ASB2: variants seen among roughly 807,000 people sequenced by gnomAD.
ASB2 encodes the protein ankyrin repeat and SOCS box containing 2.
Under a neutral mutation model 62.4 loss-of-function variants are expected in ASB2, and 58 were observed. That is an observed-to-expected ratio of 0.93 (90% confidence interval 0.75 to 1.16). ASB2 has a LOEUF of 1.16. Ranked by LOEUF, ASB2 falls within the 50% of genes most tolerant of loss-of-function variation. ASB2 has a pLI of 0.00. For missense variants in ASB2, 928 were observed against 887.9 expected, an observed-to-expected ratio of 1.05 and a Z score of -0.57; for synonymous variants, 386 against 385.3, an observed-to-expected ratio of 1.00 and a Z score of -0.02.
intron 8 of ASB2, 132 bp downstream of exon 8, chr14:93,938,976 G>T: frequency 1.3e-6 from 1 of 794,434 alleles, no homozygotes. Context: ...TTCCCCCGAA[G>T]GGTGTTAATC....
In ASB2 at chr14:93,938,233, CTTT is replaced by C. The variant is rs35127276; in HGVS notation, c.1618-385_1618-383del. ...TGTCTAACTTCCTTTTAAGTTCTGA[CTTT>C]TTTTTTTTTTTTTTTTTTTTTTGAG... On this transcript the variant is annotated intron_variant, in intron 8 of 9. Coordinates refer to ENST00000555019, the MANE Select transcript of ASB2 (RefSeq NM_001202429.2). Among the ~76,000 whole-genome samples the C allele has an allele frequency of 9.1e-3, 618 of 67,586 alleles. 6 individuals carry two copies. Among genetic ancestry groups the C allele is most frequent in the African/African-American group, 0.034 (573 of 16,802 alleles). 44.3% of individuals were successfully genotyped at this position (67,586 alleles called of 152,430 possible).
intron 7 of ASB2, chr14:93,941,527 G>A (rs536167470): frequency 1.0e-5 from 4 of 398,104 alleles, no homozygotes; most frequent in African/African-American, 4.2e-5. Flanking sequence ...TCACACACCC[G>A]GGGGGCTAAT....
chr14:93,942,801 C>G (rs768777899), intron 7 of ASB2, among the ~76,000 whole-genome samples: 2 of 152,182 alleles, frequency 1.3e-5, no homozygotes, highest in Non-Finnish European at 2.9e-5. Context: ...TGTCACTTAA[C>G]CTCTCTGAAC....
In ASB2 at chr14:93,939,348, C is replaced by A; in HGVS notation, c.1377G>T (p.Leu459=). 1 of 1,612,486 alleles carries A rather than the reference C, an allele frequency of 6.2e-7. No homozygotes were observed. The highest frequency in any genetic ancestry group is 8.5e-7 in the Non-Finnish European group (1 of 1,179,500). ...CGATGTTCGCGCCGTGGTCCAGCAG[C>A]AGCTGCATTGTGCGCAGGCAGCCGT... ...IRHGCLRTMQ[L]LLDHGANIDA... Residue 459 remains leucine (L), a synonymous_variant, in exon 8 of 10, where the codon CTG becomes CTT. Coordinates refer to ENST00000555019, the MANE Select transcript of ASB2 (RefSeq NM_001202429.2).
Position 93,956,239 on chromosome 14 carries a change from G to C in ASB2, c.311+527C>G, listed in dbSNP as rs752328451. ...AGGCAAACAGAGCCCCTGCAGCTTAGATTATTTCTGGATTTTAGCACCTGG... is the reference window on the plus strand; with the variant it reads ...AGGCAAACAGAGCCCCTGCAGCTTACATTATTTCTGGATTTTAGCACCTGG... On this transcript the variant is annotated intron_variant, in intron 3 of 9. Coordinates refer to ENST00000555019, the MANE Select transcript of ASB2 (RefSeq NM_001202429.2). Among the ~76,000 whole-genome samples, 10 of 152,290 alleles carry C rather than the reference G, an allele frequency of 6.6e-5. No homozygotes were observed. In the South Asian group the frequency reaches 1.0e-3, roughly 16 times the overall value.
chr14:93,934,429 C>T lies in ASB2; in HGVS notation c.*227G>A. On this transcript the variant is annotated 3_prime_UTR_variant, in exon 10 of 10. Transcript: ENST00000555019. ...AGGTAGAGAAGGTCTGGGATCTGCT[C>T]ATCAGTTTGTAAACAAATGATTCTT... 2 of 555,262 alleles carry T rather than the reference C, an allele frequency of 3.6e-6. No homozygotes were observed. The highest frequency in any genetic ancestry group is 6.5e-6 in the Non-Finnish European group (2 of 309,584). 34.4% of individuals were successfully genotyped at this position (555,262 alleles called of 1,614,324 possible). A position where few individuals can be genotyped will look rare whatever the true frequency, so the allele number is the denominator to read the frequency against.
At chr14:93,936,280 T>C (rs977448081) in intron 9 of ASB2, among the ~76,000 whole-genome samples, 2 of 152,176 alleles carry the variant, frequency 1.3e-5, no homozygotes, top group African/African-American at 2.4e-5. Flanking sequence ...CAAATAGATA[T>C]TGGTTAAGAA....
intron 7 of ASB2, chr14:93,939,971 C>T (rs995138823): frequency 2.7e-6 from 1 of 364,180 alleles, no homozygotes; most frequent in Non-Finnish European, 4.9e-6. Context: ...GACCCAGAAC[C>T]CTTGGCCTCC....
Position 93,966,500 on chromosome 14 carries a change from G to T in ASB2, c.-73-1888C>A, listed in dbSNP as rs190448914. Among the ~76,000 whole-genome samples the T allele has an allele frequency of 6.8e-4, 104 of 152,376 alleles. 1 individual carries two copies. The highest frequency in any genetic ancestry group is 5.1e-3 in the Admixed American group (78 of 15,312). ...GTGCTTGGAGGACTTGATGCTTGGAGTGGCAGCAGCCATCTTGTGACCATG... is the reference window on the plus strand; with the variant it reads ...GTGCTTGGAGGACTTGATGCTTGGATTGGCAGCAGCCATCTTGTGACCATG... On this transcript the variant is annotated intron_variant, in intron 1 of 9. Coordinates refer to ENST00000555019, the MANE Select transcript of ASB2 (RefSeq NM_001202429.2).
chr14:93,966,899 T>C (rs1211571737), intron 1 of ASB2, among the ~76,000 whole-genome samples: 1 of 152,102 alleles, frequency 6.6e-6, no homozygotes, highest in Non-Finnish European at 1.5e-5. Context: ...ATGAGATTAA[T>C]ATGTCAGGTG....
intron 3 of ASB2, 57 bp from the exon 4 acceptor site, chr14:93,954,540 G>A: frequency 1.3e-6 from 2 of 1,549,522 alleles, no homozygotes; most frequent in Non-Finnish European, 1.8e-6. Context: ...AGGCCAGGGG[G>A]CCTCTCTCTC....
Position 93,934,454 on chromosome 14 carries a change from TCTC to T in ASB2, c.*199_*201del. On this transcript the variant is annotated 3_prime_UTR_variant, in exon 10 of 10. Transcript: ENST00000555019. ...CATCAGTTTGTAAACAAATGATTCT[TCTC>T]CTTGACACATTCTGTTCTCTGCTCT... The T allele has an allele frequency of 1.7e-6, 1 of 588,430 alleles. No homozygotes were observed. The highest frequency in any genetic ancestry group is 2.9e-5 in the East Asian group (1 of 34,858). 36.5% of individuals were successfully genotyped at this position (588,430 alleles called of 1,614,324 possible). A position where few individuals can be genotyped will look rare whatever the true frequency, so the allele number is the denominator to read the frequency against.
intron 7 of ASB2, chr14:93,941,770 C>T (rs1202931604): frequency 1.6e-5 from 7 of 439,090 alleles, no homozygotes; most frequent in Admixed American, 2.6e-5. Context: ...TCCGGCAGTT[C>T]TCCACGAACC....
intron 6 of ASB2, among the ~76,000 whole-genome samples, chr14:93,948,919 A>G (rs1888841955): frequency 6.6e-6 from 1 of 152,254 alleles, no homozygotes; most frequent in Non-Finnish European, 1.5e-5. Flanking sequence ...CAGCCTGGAC[A>G]ACAAAGTGAG....
In ASB2 at chr14:93,939,361, C is replaced by T; in HGVS notation, c.1364G>A (p.Arg455His). 1 of 1,612,670 alleles carries T rather than the reference C, an allele frequency of 6.2e-7. No individual in the cohort carries two copies. The highest frequency in any genetic ancestry group is 8.5e-7 in the Non-Finnish European group (1 of 1,179,734). ...LLVAIRHGCLRTMQLLLDHGA... is the reference protein window; with the variant it reads ...LLVAIRHGCLHTMQLLLDHGA... ...GTGGTCCAGCAGCAGCTGCATTGTGCGCAGGCAGCCGTGGCGGATGGCCAC... is the reference window on the plus strand; with the variant it reads ...GTGGTCCAGCAGCAGCTGCATTGTGTGCAGGCAGCCGTGGCGGATGGCCAC... The change falls in exon 8 of 10, where the codon CGC becomes CAC. Residue 455 changes from arginine (R) to histidine (H), a missense_variant. Physicochemically the swap from Arg to His is conservative, Grantham distance 29 (BLOSUM62 0). Transcript: ENST00000555019.
At chr14:93,971,527 T>A (rs915912888) in intron 1 of ASB2, among the ~76,000 whole-genome samples, 3 of 152,198 alleles carry the variant, frequency 2.0e-5, no homozygotes, top group African/African-American at 7.2e-5. Context: ...TGCATGAGTA[T>A]TTTGGTTAGG....
chr14:93,959,473 C>G (rs1020973094), intron 2 of ASB2, among the ~76,000 whole-genome samples: 2 of 152,182 alleles, frequency 1.3e-5, no homozygotes, highest in Non-Finnish European at 2.9e-5. Context: ...TTCGTGCTCT[C>G]GCCAATCAAG....
chr14:93,948,580 A>G (rs1375157434), intron 6 of ASB2, among the ~76,000 whole-genome samples: 1 of 152,198 alleles, frequency 6.6e-6, no homozygotes, highest in Non-Finnish European at 1.5e-5. Context: ...ATGCTTGCTA[A>G]TTGCTAATTC....
chr14:93,934,928 C>G, intron 9 of ASB2, 136 bp from the exon 10 acceptor site: 1 of 692,082 alleles, frequency 1.4e-6, no homozygotes, highest in South Asian at 1.7e-5. Flanking sequence ...TGCTGGTCAC[C>G]CCAGTCCCTG....
Sources: gnomAD v4.1 joint callset for allele counts (sites outside exome capture counted in the v4.1 genomes callset) on GRCh38, gnomAD v4.1.1 for gene constraint, MANE v1.5 for transcripts, NCBI Gene and HGNC (gene_info 2026-07-23, HGNC 2026-07-21) for gene names.